Variants in DHX8 observed in about 807,000 individuals in gnomAD.
The protein encoded by DHX8 is ATP-dependent RNA helicase DHX8.
In DHX8, 67 loss-of-function variants were observed where a neutral mutation model predicts 140.7. That is an observed-to-expected ratio of 0.48 (90% CI 0.39 to 0.58). DHX8 has a LOEUF of 0.58. Among genes scored for constraint, DHX8 ranks in the 20% least tolerant of loss-of-function variants. The probability of loss-of-function intolerance (pLI) is 0.00; values close to 1 mark genes in which losing one functional copy is unlikely to be tolerated. For synonymous variants in DHX8, 533 were observed against 553.2 expected (o/e 0.96, Z 0.51); for missense variants, 887 against 1,550.7 (o/e 0.57, Z 7.19).
intron 1 of DHX8, among the ~76,000 whole-genome samples, chr17:43,485,931 T>C (rs1025039941): frequency 2.8e-4 from 42 of 152,316 alleles, no homozygotes; most frequent in African/African-American, 7.9e-4. Flanking sequence ...GTTTGGTGGC[T>C]CACGCCTGTA....
chr17:43,521,842 T>G (rs554537094), intron 21 of DHX8, among the ~76,000 whole-genome samples: 1 of 152,196 alleles, frequency 6.6e-6, no homozygotes, highest in Non-Finnish European at 1.5e-5. Context: ...ACTGTGGAAT[T>G]GAATACCTGT....
At position 43,517,295 on chromosome 17, in the gene DHX8, CTTAG is replaced by C; in HGVS notation, c.2773_2776del (p.Leu925GlnfsTer29). Reference sequence around the variant, plus strand: ...ACGTGCCGGAAATCCAGAGAACCAACTTAGCAAGCACAGTGCTGTCACTCAAGGT... The same window carrying C: ...ACGTGCCGGAAATCCAGAGAACCAACCAAGCACAGTGCTGTCACTCAAGGT... On this transcript the variant is annotated frameshift_variant, in exon 18 of 23. Coordinates refer to ENST00000262415, the MANE Select transcript of DHX8 (RefSeq NM_004941.3). LOFTEE classifies it high-confidence loss of function. 6.2e-7 allele frequency: 1 copy of C among 1,614,122 alleles called. No homozygotes were observed. Among genetic ancestry groups the C allele is most frequent in the Admixed American group, 1.7e-5 (1 of 60,012 alleles).
chr17:43,484,020 T>G lies in DHX8; in HGVS notation c.-18T>G. On this transcript the variant is annotated 5_prime_UTR_variant, in exon 1 of 23. Transcript: ENST00000262415. ...GAGCGCCGGCTGTGAGGAAGGAGGT[T>G]CTGGGCAAGCTATAGCCATGGCTGT... The G allele has an allele frequency of 6.2e-7, 1 of 1,613,732 alleles. No individual in the cohort carries two copies. Among genetic ancestry groups the G allele is most frequent in the Non-Finnish European group, 8.5e-7 (1 of 1,179,824 alleles).
downstream of DHX8, chr17:43,528,706 T>G (rs771026140): frequency 1.9e-6 from 3 of 1,613,974 alleles, no homozygotes; most frequent in East Asian, 6.7e-5. Context: ...GGCCTCGGGC[T>G]CACACACAAA....
At chr17:43,532,544 G>T in intron 2 of DHX8, 2 of 830,510 alleles carry the variant, frequency 2.4e-6, no homozygotes, top group Non-Finnish European at 3.7e-6. Context: ...TTGAAATTAT[G>T]AAGAAAAAAA....
rs770881858 is a variant in DHX8 at position 43,507,216 on chromosome 17, C to T, written c.1923+19C>T. The stretch of plus-strand genomic sequence containing the variant: ...CCAAGAGGTAAGTAGATAGTGGAGT[C>T]GCTCGAAAAATACCAGAAGCAAAGG... On this transcript the variant is annotated intron_variant, in intron 13 of 22. Coordinates refer to ENST00000262415, the MANE Select transcript of DHX8 (RefSeq NM_004941.3). The T allele has an allele frequency of 9.5e-6, 15 of 1,577,764 alleles. No individual in the cohort carries two copies. The highest frequency in any genetic ancestry group is 1.4e-5 in the African/African-American group (1 of 70,812).
At chr17:43,529,420 G>A (rs943106433), downstream of DHX8, 16 of 1,498,364 alleles carry the variant, frequency 1.1e-5, no homozygotes, top group African/African-American at 2.8e-5. Flanking sequence ...TCATGATGGA[G>A]GCACGTGCCA....
chr17:43,487,972 TA>T (rs201146760), intron 1 of DHX8, among the ~76,000 whole-genome samples: 1 of 149,068 alleles, frequency 6.7e-6, no homozygotes, highest in African/African-American at 2.5e-5. Context: ...GTGAGACTGT[TA>T]AAAAAAAATG....
downstream of DHX8, chr17:43,526,133 A>AG (rs879680632): frequency 1.5e-4 from 145 of 984,600 alleles, no homozygotes; most frequent in Middle Eastern, 5.2e-4. Context: ...CTGAGGGAGA[A>AG]GGGGGGGGTC....
chr17:43,490,400 A>G lies in DHX8; in HGVS notation c.244A>G (p.Ile82Val). 1 of 1,613,490 alleles carries G rather than the reference A, an allele frequency of 6.2e-7. No individual in the cohort carries two copies. Among genetic ancestry groups the G allele is most frequent in the South Asian group, 1.1e-5 (1 of 90,934 alleles). ...ATGTTTCTTTTCAAAGGATTCTCTTATTAGTAACTTGCTGCGTCTCATACA... is the reference window on the plus strand; with the variant it reads ...ATGTTTCTTTTCAAAGGATTCTCTTGTTAGTAACTTGCTGCGTCTCATACA... Reference protein sequence around the residue: ...KNGAEFTDSLISNLLRLIQTM... With the variant: ...KNGAEFTDSLVSNLLRLIQTM... The change falls in exon 3 of 23, where the codon ATT (isoleucine) becomes GTT (valine). Residue 82 changes from isoleucine (I) to valine (V), a missense_variant. Coordinates refer to ENST00000262415, the MANE Select transcript of DHX8 (RefSeq NM_004941.3).
chr17:43,501,866 A>G (rs1224241957), intron 11 of DHX8, among the ~76,000 whole-genome samples: 2 of 152,180 alleles, frequency 1.3e-5, no homozygotes, highest in Non-Finnish European at 1.5e-5. Context: ...GCCCTGCAGA[A>G]TGAGTTGGAT....
At chr17:43,513,253 A>C in intron 16 of DHX8, 109 bp from the exon 17 acceptor site, 1 of 1,218,970 alleles carries the variant, frequency 8.2e-7, no homozygotes, top group Non-Finnish European at 1.1e-6. Flanking sequence ...GTCTAGAGAG[A>C]GAGATAGCCA....
chr17:43,512,302 G>A (rs368303164), intron 16 of DHX8, among the ~76,000 whole-genome samples: 7 of 150,502 alleles, frequency 4.7e-5, no homozygotes, highest in African/African-American at 1.2e-4. Flanking sequence ...CAGGAGAATC[G>A]CTTGAACCCG....
Position 43,493,836 on chromosome 17 carries a change from C to T in DHX8, c.1162C>T (p.Arg388Cys), listed in dbSNP as rs763218908. Reference sequence around the variant, plus strand: ...TGAAGTAGAGGACGACTCACTGGAACGCAAGCGCCTCACCCGAATCTCTGA... The same window carrying T: ...TGAAGTAGAGGACGACTCACTGGAATGCAAGCGCCTCACCCGAATCTCTGA... ...APEVEDDSLE[R>C]KRLTRISDPE... The change falls in exon 8 of 23, where the codon CGC (arginine) becomes TGC (cysteine). Residue 388 changes from arginine to cysteine, a missense_variant. Around this residue, in one of 9 missense-constraint regions of DHX8, gnomAD observed 98 missense variants for 152.7 expected, o/e 0.64. Transcript: ENST00000262415. The T allele has an allele frequency of 6.9e-5, 111 of 1,614,192 alleles. No individual in the cohort carries two copies. Among genetic ancestry groups the T allele is most frequent in the Middle Eastern group, 1.6e-4 (1 of 6,062 alleles).
At chr17:43,540,070 C>T (rs985696534) in intron 3 of DHX8, among the ~76,000 whole-genome samples, 1 of 152,132 alleles carries the variant, frequency 6.6e-6, no homozygotes, top group Non-Finnish European at 1.5e-5. Flanking sequence ...AACACACAGC[C>T]AGCACACATC....
At chr17:43,495,011 A>G (rs972260323) in intron 8 of DHX8, among the ~76,000 whole-genome samples, 2 of 151,542 alleles carry the variant, frequency 1.3e-5, no homozygotes, top group African/African-American at 2.4e-5. Flanking sequence ...ACGGGGTTTC[A>G]CCATGTTGGC....
At chr17:43,519,637 C>G (rs1311324211) in intron 18 of DHX8, 1 of 153,760 alleles carries the variant, frequency 6.5e-6, no homozygotes, top group African/African-American at 2.4e-5. Context: ...AGGTGTGAGC[C>G]ACCATGCCCA....
At chr17:43,493,417 G>C (rs770965497) in intron 6 of DHX8, 28 bp from the exon 7 acceptor site, 10 of 1,610,134 alleles carry the variant, frequency 6.2e-6, no homozygotes, top group Non-Finnish European at 8.5e-6. Flanking sequence ...TTTTTGGCAT[G>C]TTCCAGATGT....
In DHX8 at chr17:43,513,346, C is replaced by A. The variant is rs1355449053; in HGVS notation, c.2503-16C>A. The A allele has an allele frequency of 6.2e-7, 1 of 1,610,948 alleles. No individual in the cohort carries two copies. Among genetic ancestry groups the A allele is most frequent in the South Asian group, 1.1e-5 (1 of 90,608 alleles). Reference sequence around the variant, plus strand: ...GCCTGGGCACCTCACTCCAGCTTTGCCCCTCTTGCCTGCAGGTTGTGATTG... The same window carrying A: ...GCCTGGGCACCTCACTCCAGCTTTGACCCTCTTGCCTGCAGGTTGTGATTG... On this transcript the variant is annotated splice_polypyrimidine_tract_variant and intron_variant, in intron 16 of 22. Transcript: ENST00000262415.
Sources: allele counts gnomAD v4.1 joint callset (sites outside exome capture counted in the v4.1 genomes callset), GRCh38; gene constraint gnomAD v4.1.1; regional missense constraint gnomAD v4.1.1; transcripts MANE v1.5; gene names NCBI Gene and HGNC (gene_info 2026-07-23, HGNC 2026-07-21).